The following LINGO2 variants were observed in gnomAD, a reference collection of about 807,000 sequenced individuals.
LINGO2 encodes the protein leucine rich repeat and Ig domain containing 2, also known as leucine-rich repeat and immunoglobulin-like domain-containing nogo receptor-interacting protein 2.
LINGO2 carries 14 observed loss-of-function variants against 30.6 expected under a neutral mutation model. That is an observed-to-expected ratio of 0.46 (90% CI 0.30 to 0.72). LINGO2 has a LOEUF of 0.72. Among genes scored for constraint, LINGO2 ranks in the 30% least tolerant of loss-of-function variants. LINGO2 has a pLI of 0.07. For synonymous variants in LINGO2, 317 were observed against 288.5 expected (o/e 1.10, Z -1.00); for missense variants, 729 against 751.7 (o/e 0.97, Z 0.35).
chr9:28,646,450 A>G (rs1366287615), intron 1 of LINGO2, among the ~76,000 whole-genome samples: 1 of 152,078 alleles, frequency 6.6e-6, no homozygotes, highest in Admixed American at 6.6e-5. Flanking sequence ...AACAATTAAC[A>G]CCTTTAAGAA....
chr9:28,302,522 G>T (rs1166071268), intron 3 of LINGO2, among the ~76,000 whole-genome samples: 1 of 152,020 alleles, frequency 6.6e-6, no homozygotes, highest in Non-Finnish European at 1.5e-5. Context: ...CTACAAAAAA[G>T]TAGCTAGGCC....
At chr9:28,003,010 C>A (rs1458132763) in intron 5 of LINGO2, among the ~76,000 whole-genome samples, 4 of 151,770 alleles carry the variant, frequency 2.6e-5, no homozygotes, top group African/African-American at 4.8e-5. Flanking sequence ...CACCTGTGAC[C>A]CCCAAATGGA....
At chr9:27,975,928 C>CA (rs1274334665) in intron 5 of LINGO2, among the ~76,000 whole-genome samples, 31 of 152,134 alleles carry the variant, frequency 2.0e-4, no homozygotes, top group African/African-American at 7.5e-4. Context: ...AGTTCTTAAT[C>CA]AAACTTGGTG....
At chr9:28,074,862 T>C (rs920003048) in intron 4 of LINGO2, among the ~76,000 whole-genome samples, 2 of 151,926 alleles carry the variant, frequency 1.3e-5, no homozygotes, top group Non-Finnish European at 2.9e-5. Flanking sequence ...GAATAAGTGA[T>C]AGGAGTGGGG....
the LINGO2 span, among the ~76,000 whole-genome samples, chr9:28,744,116 T>C: frequency 6.6e-6 from 1 of 150,802 alleles, no homozygotes; most frequent in South Asian, 2.1e-4. Flanking sequence ...ATATTTTTTT[T>C]CTTTTCAGCT....
At chr9:28,031,687 C>T (rs1045005379) in intron 4 of LINGO2, among the ~76,000 whole-genome samples, 14 of 152,138 alleles carry the variant, frequency 9.2e-5, no homozygotes, top group African/African-American at 2.7e-4. Flanking sequence ...CTGTCTGTGT[C>T]GGCTAAGCCG....
chr9:28,442,501 A>G (rs1486686136), intron 2 of LINGO2, among the ~76,000 whole-genome samples: 3 of 152,182 alleles, frequency 2.0e-5, no homozygotes, highest in Non-Finnish European at 4.4e-5. Context: ...AAATGTACTA[A>G]TGTGCTGTAT....
At chr9:28,756,479 C>T in the LINGO2 span, among the ~76,000 whole-genome samples, 2 of 151,790 alleles carry the variant, frequency 1.3e-5, no homozygotes, top group African/African-American at 2.4e-5. Flanking sequence ...CTTTGGGGAA[C>T]TGTTGGAAAT....
chr9:28,441,251 CTTTTTTTTTTTTTTTTTTT>C (rs72213590), intron 2 of LINGO2, among the ~76,000 whole-genome samples: 38 of 36,264 alleles, frequency 1.0e-3, no homozygotes, highest in Admixed American at 5.0e-3. Flanking sequence ...TCATTGGAGG[CTTTTTTTTTTTTTTTTTTT>C]TTTTTTTTTT....
At chr9:29,116,909 A>G in the LINGO2 span, among the ~76,000 whole-genome samples, 9 of 152,296 alleles carry the variant, frequency 5.9e-5, no homozygotes, top group African/African-American at 2.2e-4. Flanking sequence ...TGCCATGTCA[A>G]CAGAAGAACA....
the LINGO2 span, among the ~76,000 whole-genome samples, chr9:28,975,203 A>AAG: frequency 1.3e-4 from 19 of 151,572 alleles, no homozygotes; most frequent in East Asian, 3.5e-3. Context: ...GATTTACACA[A>AAG]AAGAGAAAGA....
chr9:28,400,326 T>G (rs1822211012), intron 2 of LINGO2, among the ~76,000 whole-genome samples: 1 of 152,170 alleles, frequency 6.6e-6, no homozygotes, highest in African/African-American at 2.4e-5. Context: ...GTGCAGGAAT[T>G]GGCTCATACT....
intron 4 of LINGO2, among the ~76,000 whole-genome samples, chr9:28,119,163 C>T (rs999773609): frequency 1.8e-4 from 27 of 152,158 alleles, no homozygotes; most frequent in Non-Finnish European, 3.7e-4. Context: ...CTCGAAAAGG[C>T]ATCATAGGTG....
chr9:29,038,538 T>C, the LINGO2 span, among the ~76,000 whole-genome samples: 2 of 151,998 alleles, frequency 1.3e-5, no homozygotes, highest in Admixed American at 6.6e-5. Context: ...TTTGCTGATA[T>C]AGCATTTATA....
chr9:28,525,596 G>A (rs966124380), intron 1 of LINGO2, among the ~76,000 whole-genome samples: 1 of 152,118 alleles, frequency 6.6e-6, no homozygotes, highest in Non-Finnish European at 1.5e-5. Context: ...CTATTGATAA[G>A]AAGTGTCTAG....
chr9:27,970,126 A>C (rs1308828950), intron 5 of LINGO2, among the ~76,000 whole-genome samples: 1 of 152,172 alleles, frequency 6.6e-6, no homozygotes, highest in East Asian at 1.9e-4. Context: ...GTTTTCTACA[A>C]GTAGAGTGAC....
At chr9:28,592,804 A>G (rs1824983672) in intron 1 of LINGO2, among the ~76,000 whole-genome samples, 1 of 152,074 alleles carries the variant, frequency 6.6e-6, no homozygotes, top group African/African-American at 2.4e-5. Context: ...AATAGGGTAC[A>G]CTTTCCAAAA....
chr9:28,637,285 G>C (rs1345056390), intron 1 of LINGO2, among the ~76,000 whole-genome samples: 3 of 152,138 alleles, frequency 2.0e-5, no homozygotes, highest in Non-Finnish European at 4.4e-5. Context: ...TTTTGGCTTA[G>C]GATTGACTTG....
intron 2 of LINGO2, among the ~76,000 whole-genome samples, chr9:28,374,451 C>T (rs534507253): frequency 2.8e-4 from 43 of 151,826 alleles, no homozygotes; most frequent in Non-Finnish European, 5.3e-4. Context: ...AAAAATTATA[C>T]TATTTTAATA....
Sources: gnomAD v4.1 joint callset for allele counts (sites outside exome capture counted in the v4.1 genomes callset) on GRCh38, gnomAD v4.1.1 for gene constraint, MANE v1.5 for transcripts, NCBI Gene and HGNC (gene_info 2026-07-23, HGNC 2026-07-21) for gene names.